RARB: variants seen among roughly 807,000 people sequenced by gnomAD.
The protein encoded by RARB is retinoic acid receptor beta, also known as HBV-activated protein.
A neutral mutation model predicts 51.9 loss-of-function variants in RARB; 17 were observed. That is an observed-to-expected ratio of 0.33 (90% confidence interval 0.22 to 0.49). The LOEUF (loss-of-function observed/expected upper bound fraction) is 0.49, where lower values mean the gene tolerates loss of function less well. Ranked by LOEUF, RARB falls within the 20% of genes least tolerant of loss-of-function variation. The pLI, the probability that RARB is intolerant of heterozygous loss-of-function variation, is 0.99. For synonymous variants in RARB, 215 were observed against 195.4 expected (o/e 1.10, Z -0.84); for missense variants, 369 against 550.8 (o/e 0.67, Z 3.30).
chr3:25,452,868 A>G (rs922789591), intron 1 of RARB, among the ~76,000 whole-genome samples: 1 of 152,224 alleles, frequency 6.6e-6, no homozygotes, highest in Non-Finnish European at 1.5e-5. Flanking sequence ...CTCAGTAAAT[A>G]GTAATTACTA....
At chr3:24,858,389 A>G (rs534405316) in intron 1 of RARB, among the ~76,000 whole-genome samples, 1 of 152,296 alleles carries the variant, frequency 6.6e-6, no homozygotes, top group South Asian at 2.1e-4. Context: ...TAAAGCACGT[A>G]AGCCCACCCC....
At chr3:25,090,350 C>G (rs1699175350) in intron 3 of RARB, among the ~76,000 whole-genome samples, 1 of 152,082 alleles carries the variant, frequency 6.6e-6, no homozygotes, top group African/African-American at 2.4e-5. Flanking sequence ...TTTTTTCTAA[C>G]AGCTTTGCAT....
chr3:24,987,470 C>A (rs1190970432), intron 2 of RARB, among the ~76,000 whole-genome samples: 1 of 152,204 alleles, frequency 6.6e-6, no homozygotes, highest in Non-Finnish European at 1.5e-5. Context: ...ATCTTAAATA[C>A]ACACTGCAAA....
At chr3:24,879,319 C>T (rs950275559) in intron 2 of RARB, among the ~76,000 whole-genome samples, 1 of 151,976 alleles carries the variant, frequency 6.6e-6, no homozygotes, top group Non-Finnish European at 1.5e-5. Context: ...GTCCCAGCTA[C>T]TCGGGAGGCT....
intron 3 of RARB, among the ~76,000 whole-genome samples, chr3:25,060,634 A>G (rs1698529458): frequency 6.6e-6 from 1 of 151,876 alleles, no homozygotes; most frequent in Admixed American, 6.6e-5. Context: ...TAGTTTGCTA[A>G]TTCTTGGAAT....
intron 3 of RARB, among the ~76,000 whole-genome samples, chr3:25,106,420 CATGT>C (rs1699500773): frequency 6.8e-6 from 1 of 147,426 alleles, no homozygotes; most frequent in African/African-American, 2.5e-5. Flanking sequence ...GGATTACAGG[CATGT>C]ACCACCATGC....
At chr3:25,223,371 T>C (rs1388517932) in intron 5 of RARB, among the ~76,000 whole-genome samples, 2 of 152,244 alleles carry the variant, frequency 1.3e-5, no homozygotes, top group Non-Finnish European at 2.9e-5. Flanking sequence ...GGAAAAGGCT[T>C]AATGAATATT....
rs1229400839 is a variant in RARB at position 25,193,356 on chromosome 3, T to TA, written c.178+18788dup. Among the ~76,000 whole-genome samples the TA allele has an allele frequency of 7.2e-5, 11 of 151,988 alleles. No individual in the cohort carries two copies. In the East Asian group the frequency reaches 1.6e-3, roughly 21 times the overall value. On this transcript the variant is annotated intron_variant, in intron 5 of 11. Transcript: ENST00000383772. ...TTGTTCCAATGCAGAGGAAGTCTGT[T>TA]AAAAAAATTAAAATAAAAAAAACCT...
intron 5 of RARB, among the ~76,000 whole-genome samples, chr3:25,232,976 T>TTTC (rs1447114617): frequency 1.4e-5 from 2 of 145,604 alleles, no homozygotes; most frequent in African/African-American, 2.5e-5. Flanking sequence ...TCTTTTTCTT[T>TTTC]TTTTTTTTTT....
At chr3:25,170,303 T>C (rs1243128585) in intron 4 of RARB, among the ~76,000 whole-genome samples, 4 of 152,200 alleles carry the variant, frequency 2.6e-5, no homozygotes, top group African/African-American at 9.6e-5. Flanking sequence ...ATTCACTTTC[T>C]GGCTCTTTAC....
intron 3 of RARB, among the ~76,000 whole-genome samples, chr3:25,130,386 C>T (rs114024645): frequency 0.011 from 1,610 of 152,090 alleles, 25 homozygotes; most frequent in African/African-American, 0.036. Context: ...GTGTTTTCCC[C>T]TTTGTGACTA....
intron 3 of RARB, among the ~76,000 whole-genome samples, chr3:25,535,478 G>T (rs1671851779): frequency 6.6e-6 from 1 of 150,658 alleles, no homozygotes; most frequent in Non-Finnish European, 1.5e-5. Context: ...TGTTACATAG[G>T]TATACACGTG....
chr3:24,953,862 C>G (rs1346208691), intron 2 of RARB, among the ~76,000 whole-genome samples: 1 of 152,174 alleles, frequency 6.6e-6, no homozygotes, highest in South Asian at 2.1e-4. Context: ...TAACTTTCTT[C>G]AAAGGCTTGG....
At chr3:25,304,502 G>A (rs1326953275) in intron 5 of RARB, among the ~76,000 whole-genome samples, 7 of 151,672 alleles carry the variant, frequency 4.6e-5, no homozygotes, top group African/African-American at 7.3e-5. Context: ...CTTTTTCATC[G>A]GCCTTGATCA....
chr3:25,411,552 C>T (rs926568882), intron 5 of RARB, among the ~76,000 whole-genome samples: 1 of 152,208 alleles, frequency 6.6e-6, no homozygotes, highest in Admixed American at 6.5e-5. Context: ...GAGAGTTCCT[C>T]ACTGCACAGA....
chr3:25,536,491 G>A (rs75202397), intron 3 of RARB, among the ~76,000 whole-genome samples: 3 of 152,110 alleles, frequency 2.0e-5, no homozygotes, highest in Admixed American at 2.0e-4. Flanking sequence ...GGGGAAAAAC[G>A]ACAAAATGGA....
chr3:25,155,590 A>G (rs2125343475), intron 4 of RARB, among the ~76,000 whole-genome samples: 1 of 152,400 alleles, frequency 6.6e-6, no homozygotes, highest in East Asian at 1.9e-4. Flanking sequence ...CTAGTTAATT[A>G]AGTAGGTGGA....
At chr3:25,054,656 G>A (rs187247500) in intron 2 of RARB, among the ~76,000 whole-genome samples, 4 of 152,264 alleles carry the variant, frequency 2.6e-5, no homozygotes, top group East Asian at 1.9e-4. Flanking sequence ...TGAGATGCAG[G>A]GAAACTGTGG....
At chr3:25,390,955 T>A (rs961111752) in intron 5 of RARB, among the ~76,000 whole-genome samples, 23 of 152,114 alleles carry the variant, frequency 1.5e-4, no homozygotes, top group African/African-American at 5.6e-4. Flanking sequence ...GTTACATGAA[T>A]AAGTTCTTAG....
Sources: gnomAD v4.1 joint callset for allele counts (sites outside exome capture counted in the v4.1 genomes callset) on GRCh38, gnomAD v4.1.1 for gene constraint, MANE v1.5 for transcripts, NCBI Gene and HGNC (gene_info 2026-07-23, HGNC 2026-07-21) for gene names.